Variants in FOXP2 observed in about 807,000 individuals in gnomAD.
FOXP2 encodes the protein forkhead box P2.
In FOXP2, 12 loss-of-function variants were observed where a neutral mutation model predicts 115.8. That is an observed-to-expected ratio of 0.10 (90% CI 0.07 to 0.17). The LOEUF is 0.17. Among genes scored for constraint, FOXP2 ranks in the 10% least tolerant of loss-of-function variants. FOXP2 has a pLI of 1.00. For missense variants in FOXP2, 629 were observed against 843.5 expected (o/e 0.75, Z 3.15); for synonymous variants, 328 against 297.7 (o/e 1.10, Z -1.05).
chr7:114,386,799 A>G (rs1792466541), intron 2 of FOXP2, among the ~76,000 whole-genome samples: 1 of 152,202 alleles, frequency 6.6e-6, no homozygotes, highest in African/African-American at 2.4e-5. Flanking sequence ...ATATCTTGCT[A>G]TTGTAATTAT....
chr7:114,246,055 A>G lies in FOXP2; in HGVS notation c.-101-41964A>G, dbSNP rs1295282160. On this transcript the variant is annotated intron_variant, in intron 1 of 17. Transcript: ENST00000634411. ...ATTTCTACACAGTTACAGTGACATG[A>G]TGGATTTGAAATACTGGAAGTGGAA... is the stretch of plus-strand genomic sequence containing the variant. Among the ~76,000 whole-genome samples the G allele has an allele frequency of 4.6e-5, 7 of 152,164 alleles. No individual in the cohort carries two copies. In the East Asian group the frequency reaches 9.6e-4, roughly 21 times the overall value.
chr7:114,180,037 G>T (rs1299998975), intron 1 of FOXP2, among the ~76,000 whole-genome samples: 2 of 151,950 alleles, frequency 1.3e-5, no homozygotes, highest in African/African-American at 4.8e-5. Context: ...GAGGATCCAT[G>T]CTAGACCATG....
chr7:114,180,092 C>T (rs1307117275), intron 1 of FOXP2, among the ~76,000 whole-genome samples: 5 of 151,992 alleles, frequency 3.3e-5, no homozygotes, highest in African/African-American at 2.4e-5. Context: ...GATGTCACCT[C>T]TTCTGTACTG....
At chr7:114,630,388 G>A (rs1804836109) in intron 5 of FOXP2, among the ~76,000 whole-genome samples, 1 of 152,130 alleles carries the variant, frequency 6.6e-6, no homozygotes, top group Admixed American at 6.5e-5. Context: ...GGGATAGGGA[G>A]ACTAAGGGAG....
chr7:114,289,603 T>G (rs1247676604), intron 2 of FOXP2, among the ~76,000 whole-genome samples: 2 of 151,816 alleles, frequency 1.3e-5, no homozygotes, highest in East Asian at 3.8e-4. Context: ...GATCTAACAA[T>G]GAACCAGGAA....
chr7:114,132,582 T>TGAGAGAGAGAGAGAGA (rs35572133), intron 1 of FOXP2, among the ~76,000 whole-genome samples: 4 of 55,998 alleles, frequency 7.1e-5, no homozygotes, highest in African/African-American at 2.4e-4. Context: ...TGTGTGTGTG[T>TGAGAGAGAGAGAGAGA]GAGAGAGAGA....
chr7:114,353,486 C>T (rs1197418344), intron 2 of FOXP2, among the ~76,000 whole-genome samples: 2 of 151,874 alleles, frequency 1.3e-5, no homozygotes, highest in East Asian at 3.9e-4. Flanking sequence ...AGTGACAGTG[C>T]CAACCCCTTT....
intron 3 of FOXP2, among the ~76,000 whole-genome samples, chr7:114,548,619 G>A (rs547979991): frequency 3.2e-4 from 48 of 152,240 alleles, no homozygotes; most frequent in African/African-American, 9.6e-4. Context: ...GGGTTATAGG[G>A]TTTTAAGTTT....
intron 2 of FOXP2, among the ~76,000 whole-genome samples, chr7:114,437,475 C>T (rs180896097): frequency 2.6e-5 from 4 of 152,094 alleles, no homozygotes; most frequent in Admixed American, 1.3e-4. Flanking sequence ...TTGCAATAAC[C>T]GATTGCAGTA....
intron 3 of FOXP2, 48 bp downstream of exon 3, chr7:114,534,754 A>C: frequency 1.4e-6 from 2 of 1,473,774 alleles, no homozygotes; most frequent in African/African-American, 2.8e-5. Context: ...AAAGATGTTC[A>C]TAATGATAAC....
intron 2 of FOXP2, among the ~76,000 whole-genome samples, chr7:114,468,735 GATACA>G (rs1795917846): frequency 1.3e-5 from 2 of 152,066 alleles, no homozygotes; most frequent in African/African-American, 2.4e-5. Flanking sequence ...ATGAATGCAT[GATACA>G]ATACATCAAA....
chr7:114,456,658 G>A (rs1008690980), intron 2 of FOXP2, among the ~76,000 whole-genome samples: 8 of 152,058 alleles, frequency 5.3e-5, no homozygotes, highest in Admixed American at 5.2e-4. Flanking sequence ...CATTGTGATT[G>A]ATTTTTAAGG....
At chr7:114,125,294 T>C (rs1791678768) in intron 1 of FOXP2, among the ~76,000 whole-genome samples, 1 of 152,158 alleles carries the variant, frequency 6.6e-6, no homozygotes, top group African/African-American at 2.4e-5. Context: ...TAGTTAAAGA[T>C]TGTTTAATCC....
chr7:114,580,059 A>G (rs1361054231), intron 3 of FOXP2, among the ~76,000 whole-genome samples: 1 of 152,234 alleles, frequency 6.6e-6, no homozygotes, highest in African/African-American at 2.4e-5. Context: ...TGAAGTTTTA[A>G]GTGCCTTTTT....
intron 1 of FOXP2, among the ~76,000 whole-genome samples, chr7:114,276,076 C>T (rs371098058): frequency 2.0e-5 from 3 of 152,100 alleles, no homozygotes; most frequent in Admixed American, 6.5e-5. Context: ...ACTATCCCAG[C>T]GGGGTAGGCT....
intron 2 of FOXP2, among the ~76,000 whole-genome samples, chr7:114,378,456 G>A (rs534960460): frequency 6.6e-6 from 1 of 152,024 alleles, no homozygotes; most frequent in Non-Finnish European, 1.5e-5. Flanking sequence ...GGCTGAGAAA[G>A]AAGGATTTCT....
intron 2 of FOXP2, among the ~76,000 whole-genome samples, chr7:114,466,885 A>C (rs1795819771): frequency 6.6e-6 from 1 of 152,236 alleles, no homozygotes; most frequent in Non-Finnish European, 1.5e-5. Flanking sequence ...AAATAGAGCA[A>C]GGACACTTTT....
intron 2 of FOXP2, among the ~76,000 whole-genome samples, chr7:114,474,508 T>A (rs1413414695): frequency 6.6e-6 from 1 of 152,126 alleles, no homozygotes. Context: ...TGTAAACCAG[T>A]TATAGCTAAA....
intron 1 of FOXP2, among the ~76,000 whole-genome samples, chr7:114,228,804 ATG>A: frequency 6.6e-6 from 1 of 151,782 alleles, no homozygotes; most frequent in Non-Finnish European, 1.5e-5. Flanking sequence ...AAAAAAATCA[ATG>A]AAACACAAAG....
Sources: gnomAD v4.1 joint callset for allele counts (sites outside exome capture counted in the v4.1 genomes callset) on GRCh38, gnomAD v4.1.1 for gene constraint, MANE v1.5 for transcripts, NCBI Gene and HGNC (gene_info 2026-07-23, HGNC 2026-07-21) for gene names.